RIMS2: variants seen among roughly 807,000 people sequenced by gnomAD.
The protein encoded by RIMS2 is regulating synaptic membrane exocytosis protein 2.
Under a neutral mutation model 174.4 loss-of-function variants are expected in RIMS2, and 59 were observed. The observed-to-expected ratio is 0.34, with a 90% CI of 0.27 to 0.42. The LOEUF (loss-of-function observed/expected upper bound fraction) is 0.42. Ranked by LOEUF, RIMS2 falls within the 10% of genes least tolerant of loss-of-function variation. The probability of loss-of-function intolerance (pLI) is 1.00; values close to 1 mark genes in which losing one functional copy is unlikely to be tolerated. For synonymous variants in RIMS2, 606 were observed against 572.5 expected, an observed-to-expected ratio of 1.06 and a Z score of -0.84; for missense variants, 1,620 against 1,666.3, an observed-to-expected ratio of 0.97 and a Z score of 0.48.
intron 1 of RIMS2, among the ~76,000 whole-genome samples, chr8:103,668,653 G>GATTTATTTATTT (rs139537432): frequency 0.094 from 14,046 of 149,096 alleles, 786 homozygotes; most frequent in Non-Finnish European, 0.12. Flanking sequence ...GAGTATAGAC[G>GATTTATTTATTT]ATTTATTTAT....
chr8:104,046,291 A>G (rs2096693826), intron 19 of RIMS2, among the ~76,000 whole-genome samples: 1 of 151,952 alleles, frequency 6.6e-6, no homozygotes, highest in Non-Finnish European at 1.5e-5. Flanking sequence ...TTATGGCACA[A>G]ATCCCACAAC....
chr8:103,851,105 C>T (rs546606510), intron 3 of RIMS2, among the ~76,000 whole-genome samples: 1 of 151,956 alleles, frequency 6.6e-6, no homozygotes, highest in African/African-American at 2.4e-5. Context: ...GGGAAAGGTG[C>T]TTAGAGAACA....
intron 1 of RIMS2, among the ~76,000 whole-genome samples, chr8:103,668,131 A>G (rs1359787155): frequency 6.6e-6 from 1 of 152,236 alleles, no homozygotes; most frequent in Non-Finnish European, 1.5e-5. Context: ...TATTAGGAGC[A>G]TAGGCCTTCC....
At chr8:103,826,651 T>A (rs2098792745) in intron 3 of RIMS2, among the ~76,000 whole-genome samples, 1 of 150,476 alleles carries the variant, frequency 6.6e-6, no homozygotes, top group East Asian at 1.9e-4. Flanking sequence ...GTCCAATAGG[T>A]TATATAGTCC....
intron 19 of RIMS2, among the ~76,000 whole-genome samples, chr8:104,101,258 C>G (rs2097893532): frequency 1.3e-5 from 2 of 151,560 alleles, no homozygotes; most frequent in African/African-American, 4.8e-5. Flanking sequence ...TCCCAAGTAG[C>G]TGAGATTACA....
At chr8:103,929,254 T>G (rs1364934684) in intron 11 of RIMS2, among the ~76,000 whole-genome samples, 1 of 151,774 alleles carries the variant, frequency 6.6e-6, no homozygotes, top group East Asian at 1.9e-4. Flanking sequence ...ACTGATAATA[T>G]TCAGGTTTTC....
intron 19 of RIMS2, among the ~76,000 whole-genome samples, chr8:104,107,658 C>T (rs920174377): frequency 2.0e-5 from 3 of 152,196 alleles, no homozygotes; most frequent in Non-Finnish European, 2.9e-5. Flanking sequence ...TTTAAATAGT[C>T]CAGGACAGGC....
chr8:103,953,824 C>T (rs2086222623), intron 14 of RIMS2, among the ~76,000 whole-genome samples: 1 of 152,026 alleles, frequency 6.6e-6, no homozygotes, highest in Non-Finnish European at 1.5e-5. Flanking sequence ...GATAAAGAGT[C>T]AAGACCCATC....
chr8:103,998,153 T>G (rs1471104456), intron 17 of RIMS2: 1 of 1,506,650 alleles, frequency 6.6e-7, no homozygotes, highest in Admixed American at 1.8e-5. Flanking sequence ...TCTTGAGTCT[T>G]ATTTATATTC....
intron 19 of RIMS2, among the ~76,000 whole-genome samples, chr8:104,234,192 A>G (rs1002076468): frequency 2.6e-5 from 4 of 152,194 alleles, no homozygotes; most frequent in African/African-American, 4.8e-5. Context: ...ACTCTGACCT[A>G]CAGAAAGATA....
rs952310172 is a variant in RIMS2 at position 103,754,719 on chromosome 8, A to G, written c.388-11508A>G. 2.0e-5 allele frequency among the ~76,000 whole-genome samples: 3 copies of G among 152,186 alleles called. No individual in the cohort carries two copies. The South Asian group carries it at 6.2e-4, about 32-fold the overall frequency. On this transcript the variant is annotated intron_variant, in intron 2 of 23. Transcript: ENST00000504942. ...TGTCTCTTTTGATCTTTGTTGGTTT[A>G]AAGTCTGTTTTATCAGAGACTAGGA...
Position 103,767,485 on chromosome 8 carries a change from T to A in RIMS2, c.698+948T>A, listed in dbSNP as rs73291826. 5.0e-3 allele frequency among the ~76,000 whole-genome samples: 766 copies of A among 152,300 alleles called. 8 individuals are homozygous for A. Among genetic ancestry groups the A allele is most frequent in the African/African-American group, 0.017 (727 of 41,578 alleles). ...CAGGTGTGAGCCACCGTGCCCGGCC[T>A]ATTTTTCTATACCTTATTTTTCTGT... On this transcript the variant is annotated intron_variant, in intron 3 of 23. Coordinates refer to ENST00000504942, the Ensembl canonical transcript of RIMS2.
rs1327086626 is a variant in RIMS2, at chr8:103,974,033, A to G, written c.2771-1317A>G. Among the ~76,000 whole-genome samples the G allele has an allele frequency of 2.0e-5, 3 of 152,158 alleles. No individual in the cohort carries two copies. The East Asian group carries it at 5.8e-4, about 29-fold the overall frequency. ...AGGAGTACAAAAATCCAGGCCTCTT[A>G]CCTCAAAGTCAGACCAACCCTGGGC... On this transcript the variant is annotated intron_variant, in intron 15 of 23. Transcript: ENST00000504942.
intron 1 of RIMS2, among the ~76,000 whole-genome samples, chr8:103,632,728 T>A (rs543373087): frequency 1.2e-4 from 17 of 140,158 alleles, no homozygotes; most frequent in African/African-American, 4.4e-4. Context: ...GCCATATTTA[T>A]TGATTTTTTT....
intron 18 of RIMS2, among the ~76,000 whole-genome samples, chr8:104,013,839 T>C (rs1447832458): frequency 6.6e-6 from 1 of 152,208 alleles, no homozygotes; most frequent in Non-Finnish European, 1.5e-5. Flanking sequence ...ACTGCATTTG[T>C]TTTGTGATTT....
chr8:104,206,152 A>T (rs572958088), intron 19 of RIMS2, among the ~76,000 whole-genome samples: 1 of 152,302 alleles, frequency 6.6e-6, no homozygotes, highest in African/African-American at 2.4e-5. Context: ...AGGTTGCCTC[A>T]TGATTCACTG....
At chr8:104,210,245 C>G (rs2099099553) in intron 19 of RIMS2, among the ~76,000 whole-genome samples, 1 of 152,252 alleles carries the variant, frequency 6.6e-6, no homozygotes, top group East Asian at 1.9e-4. Flanking sequence ...TTTACAATTA[C>G]AGAAGGCACA....
intron 19 of RIMS2, among the ~76,000 whole-genome samples, chr8:104,131,476 T>C (rs1169482345): frequency 6.6e-6 from 1 of 152,138 alleles, no homozygotes; most frequent in East Asian, 1.9e-4. Context: ...ATACATTATT[T>C]AAAATAAATA....
chr8:104,186,837 G>C (rs2098970580), intron 19 of RIMS2, among the ~76,000 whole-genome samples: 1 of 151,754 alleles, frequency 6.6e-6, no homozygotes, highest in Admixed American at 6.6e-5. Context: ...ACCAAGTCAG[G>C]ATCCAAAAGT....
Sources: gnomAD v4.1 joint callset for allele counts (sites outside exome capture counted in the v4.1 genomes callset) on GRCh38, gnomAD v4.1.1 for gene constraint, MANE v1.5 for transcripts, NCBI Gene and HGNC (gene_info 2026-07-23, HGNC 2026-07-21) for gene names.